Variants in NDFIP2 observed in about 807,000 individuals in gnomAD.
NDFIP2 encodes the protein NEDD4 family-interacting protein 2.
NDFIP2 carries 19 observed loss-of-function variants against 36.0 expected under a neutral mutation model. That is an observed-to-expected ratio of 0.53 (90% CI 0.37 to 0.77). NDFIP2 has a LOEUF of 0.77. Ranked by LOEUF, NDFIP2 falls within the 30% of genes least tolerant of loss-of-function variation. The probability of loss-of-function intolerance (pLI) is 0.00; values close to 1 mark genes in which losing one functional copy is unlikely to be tolerated. For synonymous variants in NDFIP2, 181 were observed against 167.7 expected (o/e 1.08, Z -0.61); for missense variants, 446 against 435.8 (o/e 1.02, Z -0.21).
chr13:79,482,169 C>CTTTTTTTTTTTTTTTTTTTTTT (rs10558361), intron 1 of NDFIP2, among the ~76,000 whole-genome samples: 31 of 75,880 alleles, frequency 4.1e-4, no homozygotes, highest in South Asian at 6.1e-4. Flanking sequence ...TTCTTTCTTT[C>CTTTTTTTTTTTTTTTTTTTTTT]TTTTTTTTTT....
At chr13:79,519,344 T>C (rs1476128527) in intron 1 of NDFIP2, among the ~76,000 whole-genome samples, 1 of 152,224 alleles carries the variant, frequency 6.6e-6, no homozygotes, top group Non-Finnish European at 1.5e-5. Flanking sequence ...TTAATAAGAC[T>C]TTTTGCCAAA....
chr13:79,489,327 T>C (rs1477197574), intron 1 of NDFIP2, among the ~76,000 whole-genome samples: 1 of 152,202 alleles, frequency 6.6e-6, no homozygotes, highest in East Asian at 1.9e-4. Flanking sequence ...TTGTGTGCCC[T>C]CTTGATGTGA....
At chr13:79,511,241 C>A (rs1874074093) in intron 1 of NDFIP2, among the ~76,000 whole-genome samples, 1 of 152,030 alleles carries the variant, frequency 6.6e-6, no homozygotes, top group South Asian at 2.1e-4. Context: ...ATTTGCAGGC[C>A]CTCTGAATAG....
At chr13:79,519,497 G>A (rs919313476) in intron 1 of NDFIP2, among the ~76,000 whole-genome samples, 76 of 152,248 alleles carry the variant, frequency 5.0e-4, no homozygotes, top group African/African-American at 1.8e-3. Flanking sequence ...GAAGTAAAAC[G>A]TCTTCAGTCA....
At chr13:79,497,199 T>C (rs73551547) in intron 1 of NDFIP2, among the ~76,000 whole-genome samples, 6,503 of 152,130 alleles carry the variant, frequency 0.043, 483 homozygotes, top group African/African-American at 0.15. Flanking sequence ...TCTCTTATGC[T>C]GTGTGCAGTG....
chr13:79,554,386 G>T lies in NDFIP2; in HGVS notation c.*1873G>T, dbSNP rs1334361968. ...AAATGAAATTAAGCTTTGCTACATG[G>T]TAATTAAATAATTACTAGGAAGCTT... On this transcript the variant is annotated 3_prime_UTR_variant, in exon 8 of 8. Coordinates refer to ENST00000218652, the MANE Select transcript of NDFIP2 (RefSeq NM_019080.3). 1 of 151,594 alleles carries T rather than the reference G, an allele frequency of 6.6e-6. No homozygotes were observed. Among genetic ancestry groups the T allele is most frequent in the East Asian group, 1.9e-4 (1 of 5,190 alleles). 9.4% of individuals were successfully genotyped at this position (151,594 alleles called of 1,614,324 possible). A position where few individuals can be genotyped will look rare whatever the true frequency, so the allele number is the denominator to read the frequency against.
intron 2 of NDFIP2, among the ~76,000 whole-genome samples, chr13:79,525,963 A>C (rs1209548109): frequency 2.0e-5 from 3 of 152,206 alleles, no homozygotes; most frequent in Non-Finnish European, 2.9e-5. Flanking sequence ...GCCATGTTCT[A>C]ATCTCTTCTG....
chr13:79,504,717 C>A (rs1873794134), intron 1 of NDFIP2, among the ~76,000 whole-genome samples: 1 of 151,622 alleles, frequency 6.6e-6, no homozygotes, highest in African/African-American at 2.4e-5. Flanking sequence ...ATTATACTTT[C>A]ACTCACTGGT....
At chr13:79,549,852 AG>A (rs1332943505) in intron 6 of NDFIP2, among the ~76,000 whole-genome samples, 3 of 151,798 alleles carry the variant, frequency 2.0e-5, no homozygotes, top group African/African-American at 7.2e-5. Flanking sequence ...TCCCAAAAGG[AG>A]GGAGTTAGGA....
chr13:79,519,711 T>G lies in NDFIP2; in HGVS notation c.322-1099T>G, dbSNP rs547827907. ...ACATTTTATTAGCATTTATTAACTCTCAAGGAATTTGTTGAGACGAAGAGC... is the reference window on the plus strand; with the variant it reads ...ACATTTTATTAGCATTTATTAACTCGCAAGGAATTTGTTGAGACGAAGAGC... On this transcript the variant is annotated intron_variant, in intron 1 of 7. Coordinates refer to ENST00000218652, the MANE Select transcript of NDFIP2 (RefSeq NM_019080.3). 2.0e-5 allele frequency among the ~76,000 whole-genome samples: 3 copies of G among 152,380 alleles called. No homozygotes were observed. In the South Asian group the frequency reaches 6.2e-4, roughly 32 times the overall value.
Position 79,555,857 on chromosome 13 carries a change from G to A in NDFIP2, c.*3344G>A, listed in dbSNP as rs1205203871. Reference sequence around the variant, plus strand: ...TGTATAGATGTGGAAGTGTGAACCTGTGATGCATCCTTTTCAAAATCAGTT... The same window carrying A: ...TGTATAGATGTGGAAGTGTGAACCTATGATGCATCCTTTTCAAAATCAGTT... On this transcript the variant is annotated 3_prime_UTR_variant, in exon 8 of 8. Transcript: ENST00000218652. The A allele has an allele frequency of 3.9e-5, 6 of 152,112 alleles. No homozygotes were observed. Among genetic ancestry groups the A allele is most frequent in the African/African-American group, 7.2e-5 (3 of 41,426 alleles). 9.4% of individuals were successfully genotyped at this position (152,112 alleles called of 1,614,324 possible). A position where few individuals can be genotyped will look rare whatever the true frequency, so the allele number is the denominator to read the frequency against.
chr13:79,505,413 T>A (rs1404581006), intron 1 of NDFIP2, among the ~76,000 whole-genome samples: 1 of 152,112 alleles, frequency 6.6e-6, no homozygotes, highest in African/African-American at 2.4e-5. Flanking sequence ...GGGTATTGCT[T>A]GAGCCCAGGA....
intron 1 of NDFIP2, among the ~76,000 whole-genome samples, chr13:79,490,710 T>C (rs1873193888): frequency 6.6e-6 from 1 of 152,224 alleles, no homozygotes; most frequent in African/African-American, 2.4e-5. Flanking sequence ...GTACCTCATA[T>C]AGGCCTGAAG....
intron 2 of NDFIP2, among the ~76,000 whole-genome samples, chr13:79,521,324 A>G (rs765368809): frequency 1.3e-5 from 2 of 152,158 alleles, no homozygotes; most frequent in African/African-American, 2.4e-5. Flanking sequence ...TGTTCATCTT[A>G]TTCAGGTCAC....
chr13:79,533,818 G>C (rs527917711), intron 3 of NDFIP2, among the ~76,000 whole-genome samples: 2 of 152,236 alleles, frequency 1.3e-5, no homozygotes, highest in South Asian at 4.1e-4. Context: ...GCTGTGAGTC[G>C]TTAAGTTTTG....
intron 4 of NDFIP2, among the ~76,000 whole-genome samples, chr13:79,542,522 TC>T (rs1390155324): frequency 6.6e-6 from 1 of 151,948 alleles, no homozygotes; most frequent in Non-Finnish European, 1.5e-5. Context: ...GTTTTTTTTT[TC>T]AGACATTCTA....
chr13:79,541,083 A>G (rs1234675586), intron 4 of NDFIP2, among the ~76,000 whole-genome samples: 5 of 152,146 alleles, frequency 3.3e-5, no homozygotes, highest in Non-Finnish European at 5.9e-5. Context: ...AAAAAAGAGT[A>G]GCTTAAACAT....
intron 1 of NDFIP2, 133 bp downstream of exon 1, chr13:79,481,657 C>T (rs910624809): frequency 8.7e-7 from 1 of 1,150,932 alleles, no homozygotes; most frequent in Admixed American, 2.9e-5. Context: ...TTTTTTGGAT[C>T]TTCTGGCTGG....
chr13:79,530,907 C>A (rs1874990336), intron 2 of NDFIP2, among the ~76,000 whole-genome samples: 1 of 152,190 alleles, frequency 6.6e-6, no homozygotes, highest in South Asian at 2.1e-4. Context: ...GACCTTCTCC[C>A]ATGATCCTGA....
Sources: allele counts gnomAD v4.1 joint callset (sites outside exome capture counted in the v4.1 genomes callset), GRCh38; gene constraint gnomAD v4.1.1; transcripts MANE v1.5; gene names NCBI Gene and HGNC (gene_info 2026-07-23, HGNC 2026-07-21).